The following FGD5 variants were observed in gnomAD, a reference collection of about 807,000 sequenced individuals.
FGD5 encodes FYVE, RhoGEF and PH domain containing 5.
Under a neutral mutation model 133.4 loss-of-function variants are expected in FGD5, and 28 were observed. The ratio of observed to expected loss-of-function variants is 0.21; its 90% CI spans 0.16 to 0.29. The LOEUF (loss-of-function observed/expected upper bound fraction) is 0.29, where lower values mean the gene tolerates loss of function less well. Ranked by LOEUF, FGD5 falls within the 10% of genes least tolerant of loss-of-function variation. The probability of loss-of-function intolerance (pLI) is 1.00; values close to 1 mark genes in which losing one functional copy is unlikely to be tolerated. For synonymous variants in FGD5, 810 were observed against 776.5 expected (o/e 1.04, Z -0.72); for missense variants, 1,858 against 1,895.2 (o/e 0.98, Z 0.36).
At chr3:14,905,891 CTG>C (rs1315886115) in intron 9 of FGD5, among the ~76,000 whole-genome samples, 1 of 152,102 alleles carries the variant, frequency 6.6e-6, no homozygotes, top group Non-Finnish European at 1.5e-5. Flanking sequence ...ACTGTAGAGA[CTG>C]AGGTAAATCG....
chr3:14,873,824 A>G (rs1183327223), intron 2 of FGD5, among the ~76,000 whole-genome samples: 1 of 151,544 alleles, frequency 6.6e-6, no homozygotes, highest in East Asian at 2.0e-4. Context: ...CGGGTTCAAG[A>G]TATTCTCCTG....
chr3:14,842,111 A>T (rs1296515189), intron 1 of FGD5, among the ~76,000 whole-genome samples: 1 of 152,128 alleles, frequency 6.6e-6, no homozygotes, highest in Admixed American at 6.5e-5. Context: ...CCTCAAACCA[A>T]CTCAGTGGCG....
Position 14,820,864 on chromosome 3 carries a change from G to A in FGD5, c.1793G>A (p.Arg598Lys), listed in dbSNP as rs1248314080. 1.2e-6 allele frequency: 2 copies of A among 1,613,678 alleles called. No individual in the cohort carries two copies. The highest frequency in any genetic ancestry group is 8.5e-7 in the Non-Finnish European group (1 of 1,179,788). ...VIGSSGSFSQRNHLPSSGTST... is the reference protein window; with the variant it reads ...VIGSSGSFSQKNHLPSSGTST... ...GGCTCCTCTGGGAGTTTCTCCCAGA[G>A]AAACCACCTTCCGTCCAGCGGCACC... The change falls in exon 1 of 20, where the codon AGA (arginine) becomes AAA (lysine). Residue 598 changes from arginine to lysine, a missense_variant. Arg to Lys is a conservative substitution (Grantham distance 26). Coordinates refer to ENST00000285046, the MANE Select transcript of FGD5 (RefSeq NM_152536.4).
chr3:14,822,902 T>G (rs551723445), intron 1 of FGD5, among the ~76,000 whole-genome samples: 1 of 152,228 alleles, frequency 6.6e-6, no homozygotes, highest in South Asian at 2.1e-4. Flanking sequence ...GGAGTAGAGC[T>G]GCTAGGAAGT....
chr3:14,830,913 G>A (rs1211412180), intron 1 of FGD5, among the ~76,000 whole-genome samples: 1 of 152,196 alleles, frequency 6.6e-6, no homozygotes, highest in Non-Finnish European at 1.5e-5. Flanking sequence ...GAGGCAGACA[G>A]TAAACAGACT....
At chr3:14,840,682 C>A (rs2036904609) in intron 1 of FGD5, among the ~76,000 whole-genome samples, 1 of 152,152 alleles carries the variant, frequency 6.6e-6, no homozygotes, top group African/African-American at 2.4e-5. Flanking sequence ...ATGGCTCAAT[C>A]AGTAGCTTTA....
At chr3:14,913,662 C>G (rs1026239446) in intron 11 of FGD5, among the ~76,000 whole-genome samples, 1 of 152,230 alleles carries the variant, frequency 6.6e-6, no homozygotes, top group Non-Finnish European at 1.5e-5. Flanking sequence ...GCCACCTCCT[C>G]TGGCCATGCC....
chr3:14,839,956 A>G (rs1340677224), intron 1 of FGD5, among the ~76,000 whole-genome samples: 2 of 151,728 alleles, frequency 1.3e-5, no homozygotes, highest in East Asian at 1.9e-4. Context: ...AAACAAACAA[A>G]CAAACAAACA....
chr3:14,933,235 C>G lies in FGD5; in HGVS notation c.*68C>G. ...TATGTGAATGCTTTTAGAAGCTAAG[C>G]TGTGGCTCAACTCATCCGGACACAC... is the stretch of plus-strand genomic sequence containing the variant. On this transcript the variant is annotated 3_prime_UTR_variant, in exon 20 of 20. Transcript: ENST00000285046. 1 of 1,562,840 alleles carries G rather than the reference C, an allele frequency of 6.4e-7. No homozygotes were observed. Among genetic ancestry groups the G allele is most frequent in the Non-Finnish European group, 8.7e-7 (1 of 1,144,450 alleles).
chr3:14,849,861 A>G (rs1358042827), intron 1 of FGD5, among the ~76,000 whole-genome samples: 2 of 152,016 alleles, frequency 1.3e-5, no homozygotes, highest in African/African-American at 4.8e-5. Context: ...CCTAAAAAAA[A>G]TGCTGGCTTC....
chr3:14,857,114 C>A (rs1004295986), intron 1 of FGD5, among the ~76,000 whole-genome samples: 3 of 151,626 alleles, frequency 2.0e-5, no homozygotes, highest in Middle Eastern at 3.2e-3. Flanking sequence ...AATGATTTTT[C>A]TGTCCTTTAA....
At chr3:14,900,797 A>T (rs2038223696) in intron 8 of FGD5, among the ~76,000 whole-genome samples, 1 of 152,192 alleles carries the variant, frequency 6.6e-6, no homozygotes, top group Admixed American at 6.5e-5. Context: ...GTCCCTGTGT[A>T]TCACCTGCCA....
chr3:14,895,753 A>G (rs1898041), intron 4 of FGD5, among the ~76,000 whole-genome samples: 107,164 of 151,876 alleles, frequency 0.71, 37,918 homozygotes, highest in Non-Finnish European at 0.73. Flanking sequence ...ATTTTTTGTA[A>G]AGATGGGGTT....
intron 4 of FGD5, chr3:14,897,230 G>C (rs1055531059): frequency 2.5e-6 from 1 of 393,850 alleles, no homozygotes; most frequent in Admixed American, 4.6e-5. Flanking sequence ...TCACCACGTG[G>C]CCACAACGAG....
At chr3:14,894,091 A>G (rs1193500873) in intron 4 of FGD5, among the ~76,000 whole-genome samples, 2 of 151,960 alleles carry the variant, frequency 1.3e-5, no homozygotes, top group African/African-American at 2.4e-5. Flanking sequence ...ATCTGCACCC[A>G]TTAATCATCC....
At position 14,864,284 on chromosome 3, in the gene FGD5, G is replaced by A. The variant is rs754783031; in HGVS notation, c.2658+24G>A. 8 of 1,613,570 alleles carry A rather than the reference G, an allele frequency of 5.0e-6. No individual in the cohort carries two copies. The East Asian group carries it at 6.7e-5, about 13-fold the overall frequency. On this transcript the variant is annotated intron_variant, in intron 2 of 19. Transcript: ENST00000285046. Reference sequence around the variant, plus strand: ...AGGTAGGGCACCCCACAGGTAGGCCGTGGGCATCGGAGACGTGAGGGTGGA... The same window carrying A: ...AGGTAGGGCACCCCACAGGTAGGCCATGGGCATCGGAGACGTGAGGGTGGA...
chr3:14,919,185 G>C (rs1352957434), intron 13 of FGD5, among the ~76,000 whole-genome samples: 1 of 152,170 alleles, frequency 6.6e-6, no homozygotes, highest in African/African-American at 2.4e-5. Flanking sequence ...AGTAAAAAAT[G>C]TATTGTGTGC....
chr3:14,861,582 C>T (rs2037398521), intron 1 of FGD5, among the ~76,000 whole-genome samples: 1 of 152,198 alleles, frequency 6.6e-6, no homozygotes, highest in Admixed American at 6.5e-5. Flanking sequence ...AGATTTGCCG[C>T]GTGACCTCGA....
chr3:14,924,516 T>C (rs959146084), intron 17 of FGD5, among the ~76,000 whole-genome samples: 3 of 152,160 alleles, frequency 2.0e-5, no homozygotes, highest in African/African-American at 7.2e-5. Flanking sequence ...GGCTCAGGTG[T>C]TGACGTCCCT....
Sources: allele counts gnomAD v4.1 joint callset (sites outside exome capture counted in the v4.1 genomes callset), GRCh38; gene constraint gnomAD v4.1.1; transcripts MANE v1.5; gene names NCBI Gene and HGNC (gene_info 2026-07-23, HGNC 2026-07-21).